Variants in NCAM2 observed in about 807,000 individuals in gnomAD.
The protein encoded by NCAM2 is neural cell adhesion molecule 2.
In NCAM2, 30 loss-of-function variants were observed where a neutral mutation model predicts 98.1. That is an observed-to-expected ratio of 0.31 (90% CI 0.23 to 0.41). NCAM2 has a LOEUF of 0.41. NCAM2 is among the 10% of genes least tolerant of loss of function. NCAM2 has a pLI of 1.00. For missense variants in NCAM2, 867 were observed against 1,005.8 expected (o/e 0.86, Z 1.87); for synonymous variants, 368 against 342.4 (o/e 1.07, Z -0.83).
chr21:21,189,008 C>T (rs2068730540), intron 1 of NCAM2, among the ~76,000 whole-genome samples: 1 of 152,106 alleles, frequency 6.6e-6, no homozygotes. Context: ...GAGAACCCTC[C>T]AGGGATTCCA....
intron 6 of NCAM2, among the ~76,000 whole-genome samples, chr21:21,331,338 G>A (rs2074672647): frequency 6.7e-6 from 1 of 149,846 alleles, no homozygotes; most frequent in Non-Finnish European, 1.5e-5. Flanking sequence ...TGGTTTCAGT[G>A]TGTTGCCAGG....
chr21:21,222,195 T>A (rs2147138980), intron 1 of NCAM2, among the ~76,000 whole-genome samples: 1 of 152,316 alleles, frequency 6.6e-6, no homozygotes, highest in East Asian at 1.9e-4. Flanking sequence ...TGACAGTGAA[T>A]CTTGTCACCC....
In NCAM2 at chr21:21,110,550, A is replaced by G. The variant is rs1164689812; in HGVS notation, c.55+111932A>G. On this transcript the variant is annotated intron_variant, in intron 1 of 17. Transcript: ENST00000400546. ...TTTAATAAAGTCTAGGGTATACCAG[A>G]TTAATGCAACAAAATATGAACAAAA... Among the ~76,000 whole-genome samples the G allele has an allele frequency of 1.6e-4, 24 of 151,536 alleles. 1 individual carries two copies. Among genetic ancestry groups the G allele is most frequent in the African/African-American group, 5.8e-4 (24 of 41,302 alleles).
intron 12 of NCAM2, among the ~76,000 whole-genome samples, chr21:21,435,116 C>T (rs1315462971): frequency 6.6e-6 from 1 of 152,168 alleles, no homozygotes; most frequent in Non-Finnish European, 1.5e-5. Context: ...CCCTTTACTT[C>T]AGCAGGATTT....
At chr21:21,052,196 C>T (rs145717927) in intron 1 of NCAM2, among the ~76,000 whole-genome samples, 8,264 of 140,162 alleles carry the variant, frequency 0.059, 251 homozygotes, top group East Asian at 0.087. Flanking sequence ...CTCGCTCTGT[C>T]GCCCAGGCTG....
At chr21:21,209,422 CTA>C (rs1370743826) in intron 1 of NCAM2, among the ~76,000 whole-genome samples, 2 of 152,052 alleles carry the variant, frequency 1.3e-5, no homozygotes, top group African/African-American at 4.8e-5. Context: ...CTGGGTCTTG[CTA>C]TGTTTTCCAG....
At chr21:21,230,131 C>T (rs1384596400) in intron 1 of NCAM2, among the ~76,000 whole-genome samples, 3 of 150,712 alleles carry the variant, frequency 2.0e-5, no homozygotes, top group Non-Finnish European at 4.5e-5. Context: ...GATGATTACT[C>T]TCTGTCAGTA....
intron 1 of NCAM2, among the ~76,000 whole-genome samples, chr21:21,201,540 A>G (rs556822900): frequency 6.6e-6 from 1 of 152,374 alleles, no homozygotes; most frequent in Admixed American, 6.5e-5. Flanking sequence ...TAATGGAAAG[A>G]AAAGTATTAT....
At chr21:21,368,576 T>C (rs1191201124) in intron 8 of NCAM2, among the ~76,000 whole-genome samples, 2 of 151,870 alleles carry the variant, frequency 1.3e-5, no homozygotes, top group Non-Finnish European at 2.9e-5. Context: ...GGATTTGAGG[T>C]GTGCTGAGGG....
chr21:21,200,434 A>G (rs974984081), intron 1 of NCAM2, among the ~76,000 whole-genome samples: 1 of 151,670 alleles, frequency 6.6e-6, no homozygotes, highest in Non-Finnish European at 1.5e-5. Context: ...AAGCCTTGAA[A>G]TCTTTATTGT....
At chr21:21,076,623 C>CA (rs2065686284) in intron 1 of NCAM2, among the ~76,000 whole-genome samples, 1 of 152,056 alleles carries the variant, frequency 6.6e-6, no homozygotes, top group African/African-American at 2.4e-5. Context: ...GTAGATTTCA[C>CA]AATAAAGAAT....
chr21:21,495,840 C>A (rs975017076), intron 15 of NCAM2, among the ~76,000 whole-genome samples: 8 of 151,728 alleles, frequency 5.3e-5, no homozygotes, highest in Admixed American at 5.3e-4. Context: ...GTTTCCTTGA[C>A]CATTGGTCAC....
intron 1 of NCAM2, among the ~76,000 whole-genome samples, chr21:21,193,030 AC>A (rs1238708362): frequency 2.0e-5 from 3 of 152,184 alleles, no homozygotes; most frequent in Non-Finnish European, 4.4e-5. Context: ...CTTCAGATTA[AC>A]TTTTCTATTT....
At position 21,127,459 on chromosome 21, in the gene NCAM2, G is replaced by T. The variant is rs550403489; in HGVS notation, c.55+128841G>T. Among the ~76,000 whole-genome samples, 7 of 152,104 alleles carry T rather than the reference G, an allele frequency of 4.6e-5. No individual in the cohort carries two copies. In the East Asian group the frequency reaches 1.4e-3, roughly 29 times the overall value. ...AACATTATTTATTTATTTGTTTTGGGAATATTCCAGATCTTCTCTTCTAGC... is the reference window on the plus strand; with the variant it reads ...AACATTATTTATTTATTTGTTTTGGTAATATTCCAGATCTTCTCTTCTAGC... On this transcript the variant is annotated intron_variant, in intron 1 of 17. Transcript: ENST00000400546.
Position 21,110,470 on chromosome 21 carries a change from A to C in NCAM2, c.55+111852A>C, listed in dbSNP as rs2066432433. On this transcript the variant is annotated intron_variant, in intron 1 of 17. Transcript: ENST00000400546. ...TCTGACTTTCTAGGTAAGGACAAAG[A>C]AAGAAAATAGGGGACACTGGGGACT... 2.6e-5 allele frequency among the ~76,000 whole-genome samples: 4 copies of C among 151,954 alleles called. No homozygotes were observed. The South Asian group carries it at 6.2e-4, about 24-fold the overall frequency.
chr21:21,284,915 C>T (rs1456425647), intron 3 of NCAM2, among the ~76,000 whole-genome samples: 1 of 151,574 alleles, frequency 6.6e-6, no homozygotes, highest in Non-Finnish European at 1.5e-5. Flanking sequence ...CACATTTGCA[C>T]TTCATTTTAT....
At chr21:21,376,602 C>A (rs939162830) in intron 9 of NCAM2, among the ~76,000 whole-genome samples, 1 of 151,672 alleles carries the variant, frequency 6.6e-6, no homozygotes, top group Non-Finnish European at 1.5e-5. Flanking sequence ...CTGTATATTG[C>A]AATTTGAATT....
chr21:21,410,138 GAAA>G, intron 9 of NCAM2, 133 bp from the exon 10 acceptor site: 3 of 453,502 alleles, frequency 6.6e-6, no homozygotes, highest in Non-Finnish European at 1.0e-5. Context: ...GTCTCAAAAA[GAAA>G]AAAAAAAAAT....
chr21:21,325,126 C>A (rs11911837), intron 6 of NCAM2, among the ~76,000 whole-genome samples: 1 of 151,948 alleles, frequency 6.6e-6, no homozygotes, highest in African/African-American at 2.4e-5. Flanking sequence ...GTGTCTCAAA[C>A]TACGAAATTG....
Sources: allele counts gnomAD v4.1 joint callset (sites outside exome capture counted in the v4.1 genomes callset), GRCh38; gene constraint gnomAD v4.1.1; transcripts MANE v1.5; gene names NCBI Gene and HGNC (gene_info 2026-07-23, HGNC 2026-07-21).